FAM153A: variants seen among roughly 807,000 people sequenced by gnomAD.
FAM153A encodes family with sequence similarity 153 member A.
FAM153A carries 12 observed loss-of-function variants against 48.1 expected under a neutral mutation model. The ratio of observed to expected loss-of-function variants is 0.25; its 90% confidence interval spans 0.16 to 0.40. The LOEUF (loss-of-function observed/expected upper bound fraction) is 0.40. FAM153A is among the 10% of genes least tolerant of loss of function. FAM153A has a pLI of 1.00. For missense variants in FAM153A, 111 were observed against 345.8 expected, an observed-to-expected ratio of 0.32 and a Z score of 5.38; for synonymous variants, 36 against 118.2, an observed-to-expected ratio of 0.30 and a Z score of 4.51.
exon 10 of FAM153A, chr5:177,739,121 T>A (rs1421150149): frequency 6.2e-7 from 1 of 1,613,012 alleles, no homozygotes; most frequent in Non-Finnish European, 8.5e-7. Flanking sequence ...ACCGTTGGTT[T>A]GGGTGCCTGC....
At chr5:177,736,259 ATGGGAGTG>A (rs1408300892) in intron 12 of FAM153A, among the ~76,000 whole-genome samples, 1 of 141,426 alleles carries the variant, frequency 7.1e-6, no homozygotes, top group Admixed American at 7.2e-5. Context: ...TGCTTTGCAG[ATGGGAGTG>A]TGTTTTCTGG....
chr5:177,760,234 C>CTT lies in FAM153A; in HGVS notation c.-56-11536_-56-11535insAA, dbSNP rs1337707844. 1.1e-3 allele frequency among the ~76,000 whole-genome samples: 107 copies of CTT among 96,856 alleles called. 7 individuals are homozygous for CTT. Among genetic ancestry groups the CTT allele is most frequent in the African/African-American group, 3.9e-3 (92 of 23,812 alleles). The allele number at this position is 96,856 out of a possible 152,430, so 63.5% of individuals were successfully genotyped here. On this transcript the variant is annotated intron_variant, in intron 1 of 8. Coordinates refer to the FAM153A transcript ENST00000393518. ...TCTCTTAATGCCAAATTGGGAAAGA[C>CTT]CTTTTTTTTTTTTTTTTTTTGAGAT...
chr5:177,709,377 T>C (rs112388313), downstream of FAM153A, among the ~76,000 whole-genome samples: 2,691 of 139,378 alleles, frequency 0.019, 140 homozygotes, highest in African/African-American at 0.068. Flanking sequence ...TTTTTTTTTT[T>C]CCGAGATGAA....
At chr5:177,781,264 A>ATTTTTTTTTTTT (rs1303137176), upstream of FAM153A, among the ~76,000 whole-genome samples, 680 of 75,230 alleles carry the variant, frequency 9.0e-3, no homozygotes, top group Non-Finnish European at 0.011. Flanking sequence ...ACGCCCGGCT[A>ATTTTTTTTTTTT]TTTTTTTTTT....
At chr5:177,700,792 ACT>A in the FAM153A span, among the ~76,000 whole-genome samples, 6 of 151,812 alleles carry the variant, frequency 4.0e-5, no homozygotes, top group African/African-American at 7.3e-5. Flanking sequence ...ACAGAGCAAG[ACT>A]CTGTCTCAAA....
chr5:177,700,975 T>C, the FAM153A span, among the ~76,000 whole-genome samples: 1 of 152,056 alleles, frequency 6.6e-6, no homozygotes, highest in East Asian at 1.9e-4. Flanking sequence ...GTGTTGGAAG[T>C]GGGGCCTGAT....
downstream of FAM153A, among the ~76,000 whole-genome samples, chr5:177,707,475 G>C (rs1001075693): frequency 2.0e-5 from 3 of 151,696 alleles, no homozygotes; most frequent in Admixed American, 2.0e-4. Flanking sequence ...GCATATAGTA[G>C]GTGTTTTTGA....
downstream of FAM153A, among the ~76,000 whole-genome samples, chr5:177,705,810 C>A (rs1353144483): frequency 6.6e-6 from 1 of 150,826 alleles, no homozygotes; most frequent in Non-Finnish European, 1.5e-5. Context: ...CAGGTGCACA[C>A]CACCATGCCC....
At chr5:177,721,982 T>G (rs543146505), downstream of FAM153A, 6 of 151,516 alleles carry the variant, frequency 4.0e-5, no homozygotes, top group African/African-American at 1.5e-4. Context: ...CTATCAAAAT[T>G]ACAAAAACTT....
At chr5:177,705,056 C>A (rs1757757384), downstream of FAM153A, among the ~76,000 whole-genome samples, 1 of 150,282 alleles carries the variant, frequency 6.7e-6, no homozygotes. Flanking sequence ...GTAATCCCAG[C>A]ACTCTGGGAG....
In FAM153A at chr5:177,730,232, G is replaced by C. The variant is rs930874102; in HGVS notation, c.863-677C>G. On this transcript the variant is annotated intron_variant, in intron 16 of 20. Transcript: ENST00000614127. ...GACAGCCTGTCATGGGGAGCAGCGA[G>C]GGGGTGCGGGGGGCGGGCACTGACC... 7.0e-4 allele frequency among the ~76,000 whole-genome samples: 81 copies of C among 116,398 alleles called. 9 individuals are homozygous for C. The highest frequency in any genetic ancestry group is 2.1e-3 in the African/African-American group (77 of 35,912). 76.4% of individuals were successfully genotyped at this position (116,398 alleles called of 152,430 possible). A position where few individuals can be genotyped will look rare whatever the true frequency, so the allele number is the denominator to read the frequency against.
At chr5:177,750,306 C>A (rs1766681233) in intron 2 of FAM153A, 1 of 153,932 alleles carries the variant, frequency 6.5e-6, no homozygotes, top group Non-Finnish European at 1.4e-5. Flanking sequence ...GTCAGGGTGA[C>A]AAAAGACATT....
the FAM153A span, among the ~76,000 whole-genome samples, chr5:177,700,780 G>C: frequency 6.6e-6 from 1 of 151,706 alleles, no homozygotes. Flanking sequence ...CCAGCCTGGG[G>C]CACAGAGCAA....
the FAM153A span, among the ~76,000 whole-genome samples, chr5:177,702,833 G>A: frequency 6.6e-6 from 1 of 151,908 alleles, no homozygotes; most frequent in East Asian, 1.9e-4. Context: ...CAGAGTGCAA[G>A]AGTTGAGGCT....
chr5:177,718,900 G>T (rs6601076), downstream of FAM153A, among the ~76,000 whole-genome samples: 20,894 of 148,716 alleles, frequency 0.14, 1,874 homozygotes, highest in African/African-American at 0.26. Context: ...TTTTTTTTTT[G>T]AGATAGAGTC....
chr5:177,717,424 G>T (rs1338105756), downstream of FAM153A: 1 of 150,270 alleles, frequency 6.7e-6, no homozygotes, highest in Non-Finnish European at 1.5e-5. Flanking sequence ...AAAGGAATGA[G>T]AAAAATCACC....
intron 5 of FAM153A, 72 bp downstream of exon 7, chr5:177,744,816 C>T: frequency 1.0e-6 from 1 of 984,968 alleles, no homozygotes; most frequent in Non-Finnish European, 1.4e-6. Context: ...AGTCTCATAT[C>T]TTAATGTAAT....
intron 1 of FAM153A, among the ~76,000 whole-genome samples, chr5:177,766,067 A>G (rs1324583041): frequency 1.8e-5 from 2 of 109,720 alleles, no homozygotes; most frequent in Admixed American, 9.5e-5. Flanking sequence ...CATTGAGCCA[A>G]GATTGTGCCA....
At chr5:177,715,352 TTC>T (rs1434792398) in intron 25 of FAM153A, among the ~76,000 whole-genome samples, 12 of 149,426 alleles carry the variant, frequency 8.0e-5, no homozygotes, top group African/African-American at 2.7e-4. Context: ...CAGCTTCTGT[TTC>T]TGAGTTCTGT....
Sources: gnomAD v4.1 joint callset for allele counts (sites outside exome capture counted in the v4.1 genomes callset) on GRCh38, gnomAD v4.1.1 for gene constraint, MANE v1.5 for transcripts, NCBI Gene and HGNC (gene_info 2026-07-23, HGNC 2026-07-21) for gene names.